The following GPLD1 variants were observed in gnomAD, a reference collection of about 807,000 sequenced individuals.
GPLD1 encodes the protein glycosylphosphatidylinositol specific phospholipase D1.
GPLD1 carries 84 observed loss-of-function variants against 112.6 expected under a neutral mutation model. That is an observed-to-expected ratio of 0.75 (90% CI 0.63 to 0.89). GPLD1 has a LOEUF of 0.89. Ranked by LOEUF, GPLD1 falls within the 40% of genes least tolerant of loss-of-function variation. The pLI is 0.00. For missense variants in GPLD1, 1,044 were observed against 1,051.5 expected (o/e 0.99, Z 0.10); for synonymous variants, 386 against 403.8 (o/e 0.96, Z 0.53).
chr6:24,491,659 G>A (rs533825049), upstream of GPLD1, among the ~76,000 whole-genome samples: 1 of 151,404 alleles, frequency 6.6e-6, no homozygotes, highest in Non-Finnish European at 1.5e-5. Context: ...AGTGAGCTGA[G>A]ATCACACCAC....
chr6:24,426,001 C>T lies in GPLD1; in HGVS notation c.*3031G>A, dbSNP rs563776651. 2 of 152,232 alleles carry T rather than the reference C, an allele frequency of 1.3e-5. No individual in the cohort carries two copies. Among genetic ancestry groups the T allele is most frequent in the Non-Finnish European group, 2.9e-5 (2 of 68,018 alleles). 9.4% of individuals were successfully genotyped at this position (152,232 alleles called of 1,614,324 possible). ...GTACATGGAGTAGGGACTGCAGAGA[C>T]CCTAGTTTTGTCCCCACTCCATCTT... On this transcript the variant is annotated 3_prime_UTR_variant, in exon 25 of 25. Coordinates refer to ENST00000230036, the MANE Select transcript of GPLD1 (RefSeq NM_001503.4).
At chr6:24,450,001 C>A in intron 14 of GPLD1, 102 bp from the exon 15 acceptor site, 3 of 726,930 alleles carry the variant, frequency 4.1e-6, no homozygotes, top group East Asian at 2.7e-5. Flanking sequence ...CCCCCGCCCC[C>A]CGCCACCCAA....
Position 24,467,204 on chromosome 6 carries a change from CA to C in GPLD1, c.615del (p.Asn205LysfsTer2). 1 of 1,604,216 alleles carries C rather than the reference CA, an allele frequency of 6.2e-7. No individual in the cohort carries two copies. Among genetic ancestry groups the C allele is most frequent in the Non-Finnish European group, 8.5e-7 (1 of 1,170,902 alleles). On this transcript the variant is annotated frameshift_variant, in exon 8 of 25. Coordinates refer to ENST00000230036, the MANE Select transcript of GPLD1 (RefSeq NM_001503.4). LOFTEE classifies it high-confidence loss of function. ...KLYGRKVITE[N>X]VIVDCSHIQF... is the part of the protein sequence containing the mutation. ...TGGATATGTGAACAATCAACGATTA[CA>C]TTTTCGGTGATGACTTTTCGACCAT... is the stretch of plus-strand genomic sequence containing the variant.
At chr6:24,441,383 C>T (rs1300307738) in intron 20 of GPLD1, among the ~76,000 whole-genome samples, 1 of 151,882 alleles carries the variant, frequency 6.6e-6, no homozygotes, top group African/African-American at 2.4e-5. Context: ...TCCCAAACTG[C>T]ACACTGAAGC....
In GPLD1 at chr6:24,495,018, C is replaced by T. The variant is rs767601869; in HGVS notation, n.188G>A. ...GGCCATGGCGACCTGCATTTGGCTG[C>T]GGAGCTGTGGGGCCCGGCGCCTCGG... On this transcript the variant is annotated non_coding_transcript_exon_variant, in exon 1 of 11. Coordinates refer to the GPLD1 transcript ENST00000474784. The T allele has an allele frequency of 9.8e-5, 130 of 1,329,542 alleles. No homozygotes were observed. Among genetic ancestry groups the T allele is most frequent in the Non-Finnish European group, 1.2e-4 (122 of 1,043,012 alleles). The allele number at this position is 1,329,542 out of a possible 1,614,324, so 82.4% of individuals were successfully genotyped here. A position where few individuals can be genotyped will look rare whatever the true frequency, so the allele number is the denominator to read the frequency against.
chr6:24,437,387 T>C (rs536428959), intron 20 of GPLD1, 98 bp from the exon 21 acceptor site: 2 of 1,156,720 alleles, frequency 1.7e-6, no homozygotes, highest in African/African-American at 1.5e-5. Context: ...TCACTCGGGA[T>C]CCTACAGGAC....
chr6:24,431,751 T>C (rs71555141), intron 24 of GPLD1, among the ~76,000 whole-genome samples: 1 of 150,500 alleles, frequency 6.6e-6, no homozygotes, highest in Non-Finnish European at 1.5e-5. Flanking sequence ...ACCAGGCTGG[T>C]CTTGAACTCC....
intron 14 of GPLD1, among the ~76,000 whole-genome samples, chr6:24,451,260 GATCT>G (rs774851765): frequency 5.3e-5 from 8 of 152,098 alleles, no homozygotes; most frequent in Non-Finnish European, 7.4e-5. Flanking sequence ...GGACTTTCTA[GATCT>G]TTCTTATCCT....
rs760751425 is a variant in GPLD1, at chr6:24,475,095, C to A, written c.441+26G>T. On this transcript the variant is annotated intron_variant, in intron 5 of 24. Coordinates refer to ENST00000230036, the MANE Select transcript of GPLD1 (RefSeq NM_001503.4). ...TGAGACAGTATCACTCCCATAAAGT[C>A]ATTCCCCATAAAGGGATGTACTCAC... 8.8e-6 allele frequency: 10 copies of A among 1,137,548 alleles called. No homozygotes were observed. The East Asian group carries it at 9.3e-5, about 11-fold the overall frequency. The allele number at this position is 1,137,548 out of a possible 1,614,324, so 70.5% of individuals were successfully genotyped here.
chr6:24,449,724 G>GCCTC, intron 15 of GPLD1, 65 bp downstream of exon 15: 2 of 1,067,324 alleles, frequency 1.9e-6, no homozygotes, highest in African/African-American at 3.1e-5. Flanking sequence ...CCCAGCGTTG[G>GCCTC]CCTCCCTCAG....
chr6:24,463,258 C>G (rs564950986), intron 10 of GPLD1, among the ~76,000 whole-genome samples: 1 of 152,134 alleles, frequency 6.6e-6, no homozygotes, highest in Non-Finnish European at 1.5e-5. Context: ...AGTGAAAAAG[C>G]CTCTGAGAAC....
chr6:24,467,371 G>C, intron 7 of GPLD1, 97 bp from the exon 8 acceptor site: 1 of 734,426 alleles, frequency 1.4e-6, no homozygotes, highest in Non-Finnish European at 2.4e-6. Context: ...TGATTATTTT[G>C]TGCCAGGCAC....
intron 20 of GPLD1, among the ~76,000 whole-genome samples, chr6:24,439,320 A>G (rs1437597489): frequency 2.2e-5 from 2 of 92,780 alleles, no homozygotes; most frequent in African/African-American, 7.7e-5. Context: ...AGAATTAGAA[A>G]GCCTGAATAG....
intron 14 of GPLD1, among the ~76,000 whole-genome samples, chr6:24,453,011 C>A (rs1384330438): frequency 5.3e-5 from 8 of 152,012 alleles, no homozygotes; most frequent in African/African-American, 1.9e-4. Flanking sequence ...CCCCACCCCC[C>A]CACGCTCCTC....
intron 2 of GPLD1, among the ~76,000 whole-genome samples, chr6:24,480,964 T>C (rs879706815): frequency 1.3e-5 from 2 of 152,128 alleles, no homozygotes; most frequent in East Asian, 1.9e-4. Context: ...ATGGGCAGAG[T>C]ACAGGACAAC....
chr6:24,486,137 G>A lies in GPLD1; in HGVS notation c.98-7C>T, dbSNP rs758554755. 2.6e-6 allele frequency: 4 copies of A among 1,524,036 alleles called. No individual in the cohort carries two copies. Among genetic ancestry groups the A allele is most frequent in the Non-Finnish European group, 3.6e-6 (4 of 1,102,246 alleles). The allele number at this position is 1,524,036 out of a possible 1,614,324, so 94.4% of individuals were successfully genotyped here. A position where few individuals can be genotyped will look rare whatever the true frequency, so the allele number is the denominator to read the frequency against. On this transcript the variant is annotated splice_region_variant and splice_polypyrimidine_tract_variant and intron_variant, in intron 1 of 24. Coordinates refer to ENST00000230036, the MANE Select transcript of GPLD1 (RefSeq NM_001503.4). The stretch of plus-strand genomic sequence containing the variant: ...AACTCCAGAGCTCTGTGTCCTGAGA[G>A]AAATAAATACATAAATCAATTAAGT...
intron 2 of GPLD1, among the ~76,000 whole-genome samples, chr6:24,481,698 C>G (rs1446009067): frequency 2.6e-5 from 4 of 152,130 alleles, no homozygotes; most frequent in African/African-American, 9.7e-5. Context: ...CCCCTTGTGG[C>G]TGCTGAGCTC....
In GPLD1 at chr6:24,445,638, G is replaced by A. The variant is rs764762793; in HGVS notation, c.1928C>T (p.Ala643Val). 3 of 1,611,836 alleles carry A rather than the reference G, an allele frequency of 1.9e-6. No individual in the cohort carries two copies. The highest frequency in any genetic ancestry group is 2.5e-6 in the Non-Finnish European group (3 of 1,177,952). Reference sequence around the variant, plus strand: ...AAGGGAAGTACCCAGTTTCCCCATTGCCTGTGAGACACAATAAATCAATAT... The same window carrying A: ...AAGGGAAGTACCCAGTTTCCCCATTACCTGTGAGACACAATAAATCAATAT... ...QSWFTISGDKAMGKLGTSLSS... is the reference protein window; with the variant it reads ...QSWFTISGDKVMGKLGTSLSS... The change falls in exon 20 of 25, where the codon GCA becomes GTA. Residue 643 changes from alanine to valine, a missense_variant and splice_region_variant. By Grantham distance (64) the Ala-to-Val change is moderately conservative. Coordinates refer to ENST00000230036, the MANE Select transcript of GPLD1 (RefSeq NM_001503.4).
At chr6:24,471,923 A>G (rs1042886439) in intron 7 of GPLD1, among the ~76,000 whole-genome samples, 1 of 152,320 alleles carries the variant, frequency 6.6e-6, no homozygotes, top group South Asian at 2.1e-4. Context: ...AGAAGTACAC[A>G]TTACAAAGGA....
Sources: gnomAD v4.1 joint callset for allele counts (sites outside exome capture counted in the v4.1 genomes callset) on GRCh38, gnomAD v4.1.1 for gene constraint, MANE v1.5 for transcripts, NCBI Gene and HGNC (gene_info 2026-07-23, HGNC 2026-07-21) for gene names.